The following BRDT variants were observed in gnomAD, a reference collection of about 807,000 sequenced individuals.
The protein encoded by BRDT is bromodomain testis associated.
In BRDT, 77 loss-of-function variants were observed where a neutral mutation model predicts 113.9. The ratio of observed to expected loss-of-function variants is 0.68; its 90% confidence interval spans 0.56 to 0.82. The LOEUF is 0.82. BRDT is among the 40% of genes least tolerant of loss of function. The probability of loss-of-function intolerance (pLI) is 0.00; values close to 1 mark genes in which losing one functional copy is unlikely to be tolerated. For missense variants in BRDT, 1,027 were observed against 1,105.4 expected (o/e 0.93, Z 1.01); for synonymous variants, 358 against 366.5 (o/e 0.98, Z 0.26).
intron 8 of BRDT, 59 bp downstream of exon 8, chr1:91,979,816 A>T: frequency 7.4e-6 from 11 of 1,491,000 alleles, no homozygotes; most frequent in East Asian, 4.6e-5. Context: ...CTATCAGGAA[A>T]TTTTTTCTGC....
At chr1:91,967,542 G>A (rs2101601553) in intron 3 of BRDT, among the ~76,000 whole-genome samples, 1 of 152,268 alleles carries the variant, frequency 6.6e-6, no homozygotes, top group South Asian at 2.1e-4. Flanking sequence ...AGGATTACAG[G>A]CACGCACCAC....
intron 1 of BRDT, chr1:91,957,588 C>T (rs1417040034): frequency 6.6e-6 from 1 of 152,202 alleles, no homozygotes; most frequent in African/African-American, 2.4e-5. Flanking sequence ...AACACTAGTA[C>T]AGCACCAGAG....
chr1:91,981,282 A>C lies in BRDT; in HGVS notation c.1765A>C (p.Met589Leu), dbSNP rs1169495999. Residue 589 changes from methionine to leucine, a missense_variant, in exon 11 of 19, where the codon ATG (methionine) becomes CTG (leucine). Physicochemically the swap from Met to Leu is conservative, Grantham distance 15 (BLOSUM62 2). Coordinates refer to ENST00000399546, the MANE Select transcript of BRDT (RefSeq NM_207189.4). ...PLKPPAKKIM[M>L]SKEELHSQKK... The stretch of plus-strand genomic sequence containing the variant: ...AAATCACACAGCTAAGAAAATAATG[A>C]TGTCCAAAGAAGAACTTCACTCACA... The C allele has an allele frequency of 6.2e-7, 1 of 1,614,062 alleles. No homozygotes were observed. Among genetic ancestry groups the C allele is most frequent in the African/African-American group, 1.3e-5 (1 of 75,048 alleles).
chr1:91,969,162 G>A (rs1009026536), intron 4 of BRDT, among the ~76,000 whole-genome samples: 22 of 151,872 alleles, frequency 1.4e-4, no homozygotes, highest in African/African-American at 4.8e-4. Flanking sequence ...GGATGGTCTC[G>A]ATCTCCTGAC....
intron 1 of BRDT, 86 bp from the exon 2 acceptor site, chr1:91,962,632 C>T (rs745449360): frequency 8.9e-6 from 7 of 787,528 alleles, no homozygotes; most frequent in Non-Finnish European, 1.3e-5. Flanking sequence ...CTGTGCCCGG[C>T]TTCTGTTACT....
chr1:91,966,727 A>G (rs1176434243), intron 3 of BRDT, among the ~76,000 whole-genome samples: 1 of 152,192 alleles, frequency 6.6e-6, no homozygotes, highest in Non-Finnish European at 1.5e-5. Context: ...TTTCTCAGTC[A>G]TAAATTGAAG....
chr1:91,960,485 G>T (rs1157777563), intron 1 of BRDT, among the ~76,000 whole-genome samples: 1 of 152,208 alleles, frequency 6.6e-6, no homozygotes, highest in Non-Finnish European at 1.5e-5. Context: ...AGCATTTAGG[G>T]TAGTCAAATT....
intron 15 of BRDT, among the ~76,000 whole-genome samples, chr1:91,994,823 C>G (rs966877744): frequency 7.1e-6 from 1 of 141,572 alleles, no homozygotes; most frequent in African/African-American, 2.7e-5. Context: ...AGCCGAGATC[C>G]CGCCACTGCA....
chr1:91,985,115 T>C (rs1196244438), intron 12 of BRDT, among the ~76,000 whole-genome samples: 1 of 152,160 alleles, frequency 6.6e-6, no homozygotes, highest in East Asian at 1.9e-4. Context: ...GGAGTCTCAC[T>C]CTGTCGCCCA....
At position 91,977,361 on chromosome 1, in the gene BRDT, G is replaced by T; in HGVS notation, c.937G>T (p.Val313Phe). 1.9e-6 allele frequency: 3 copies of T among 1,592,860 alleles called. No individual in the cohort carries two copies. The highest frequency in any genetic ancestry group is 2.6e-6 in the Non-Finnish European group (3 of 1,171,378). ...GGGACTCCATAACTACTATGACGTTGTCAAAAATCCGATGGATCTTGGAAC... is the reference window on the plus strand; with the variant it reads ...GGGACTCCATAACTACTATGACGTTTTCAAAAATCCGATGGATCTTGGAAC... The part of the protein sequence containing the change: ...ALGLHNYYDV[V>F]KNPMDLGTIK... Residue 313 changes from valine (V) to phenylalanine (F), a missense_variant, in exon 6 of 19, where the codon GTC becomes TTC. Coordinates refer to ENST00000399546, the MANE Select transcript of BRDT (RefSeq NM_207189.4).
chr1:91,950,983 G>A (rs968299594), intron 1 of BRDT, among the ~76,000 whole-genome samples: 2 of 151,586 alleles, frequency 1.3e-5, no homozygotes, highest in African/African-American at 4.8e-5. Flanking sequence ...AGCTGAGATC[G>A]GGCCACTGCA....
Position 91,981,153 on chromosome 1 carries a change from A to G in BRDT, c.1725A>G (p.Leu575=). ...TAGAAAAATATGTTTCGGCATGTCT[A>G]AGAAAGAGACCATTAAAACCTCCTG... The part of the protein sequence containing the change: ...RELEKYVSAC[L]RKRPLKPPAK... Residue 575 remains leucine, a synonymous_variant, in exon 10 of 19, where the codon CTA becomes CTG. Transcript: ENST00000399546. 6.2e-7 allele frequency: 1 copy of G among 1,611,306 alleles called. No individual in the cohort carries two copies. The highest frequency in any genetic ancestry group is 8.5e-7 in the Non-Finnish European group (1 of 1,179,268).
intron 17 of BRDT, 112 bp downstream of exon 17, chr1:92,004,731 G>C: frequency 3.1e-6 from 3 of 953,252 alleles, no homozygotes; most frequent in Non-Finnish European, 4.5e-6. Flanking sequence ...GTAGAACACA[G>C]AGCAAATTGT....
chr1:91,997,206 A>ATG (rs1428178893), intron 15 of BRDT, among the ~76,000 whole-genome samples: 1 of 152,120 alleles, frequency 6.6e-6, no homozygotes, highest in Non-Finnish European at 1.5e-5. Flanking sequence ...TACATTGGGA[A>ATG]TGTGAGAATT....
At chr1:91,958,679 G>C (rs1019960974) in intron 1 of BRDT, among the ~76,000 whole-genome samples, 1 of 152,064 alleles carries the variant, frequency 6.6e-6, no homozygotes, top group East Asian at 1.9e-4. Flanking sequence ...GTGTGGCAAG[G>C]TATTTTTTTT....
intron 1 of BRDT, among the ~76,000 whole-genome samples, chr1:91,958,221 T>TTA (rs1231887047): frequency 6.6e-6 from 1 of 150,462 alleles, no homozygotes; most frequent in Non-Finnish European, 1.5e-5. Context: ...GCCCTTTTTT[T>TTA]TTTTTTTTTT....
intron 4 of BRDT, among the ~76,000 whole-genome samples, chr1:91,969,823 G>GTGTT (rs1360208667): frequency 1.6e-3 from 116 of 71,730 alleles, no homozygotes; most frequent in African/African-American, 3.4e-3. Context: ...GTGTGTGTGT[G>GTGTT]TTTTTTTTTT....
rs370374243 is a variant in BRDT, at chr1:91,994,083, A to T, written c.2116A>T (p.Ile706Leu). Residue 706 changes from isoleucine (I) to leucine (L), a missense_variant and splice_region_variant, in exon 15 of 19, where the codon ATA becomes TTA. Coordinates refer to ENST00000399546, the MANE Select transcript of BRDT (RefSeq NM_207189.4). ...GATAACTTTGATTTTGTTTTAACAG[A>T]TAGGATATTGTGTGCAAGACACAAC... ...PPEGRTGVTQ[I>L]GYCVQDTTSA... 6.3e-7 allele frequency: 1 copy of T among 1,596,112 alleles called. No individual in the cohort carries two copies. Among genetic ancestry groups the T allele is most frequent in the Non-Finnish European group, 8.5e-7 (1 of 1,174,236 alleles).
In BRDT at chr1:91,981,354, T is replaced by C. The variant is rs763506384; in HGVS notation, c.1837T>C (p.Leu613=). The C allele has an allele frequency of 6.2e-7, 1 of 1,613,882 alleles. No homozygotes were observed. Among genetic ancestry groups the C allele is most frequent in the African/African-American group, 1.3e-5 (1 of 75,040 alleles). ...EKRLLDVNNQ[L]NSRKRQTKSD... is the part of the protein sequence containing the mutation. Reference sequence around the variant, plus strand: ...GCGGTTACTGGATGTTAATAATCAGTTAAATTCTAGAAAACGTCAAACAAA... The same window carrying C: ...GCGGTTACTGGATGTTAATAATCAGCTAAATTCTAGAAAACGTCAAACAAA... Residue 613 remains leucine (L), a synonymous_variant, in exon 11 of 19, where the codon TTA becomes CTA. Coordinates refer to ENST00000399546, the MANE Select transcript of BRDT (RefSeq NM_207189.4).
Sources: gnomAD v4.1 joint callset for allele counts (sites outside exome capture counted in the v4.1 genomes callset) on GRCh38, gnomAD v4.1.1 for gene constraint, MANE v1.5 for transcripts, NCBI Gene and HGNC (gene_info 2026-07-23, HGNC 2026-07-21) for gene names.